The following CCDC62 variants were observed in gnomAD, a reference collection of about 807,000 sequenced individuals.
CCDC62 encodes the protein coiled-coil domain containing 62, also known as coiled-coil domain-containing protein 62.
Under a neutral mutation model 80.8 loss-of-function variants are expected in CCDC62, and 72 were observed. The ratio of observed to expected loss-of-function variants is 0.89; its 90% CI spans 0.74 to 1.08. The LOEUF (loss-of-function observed/expected upper bound fraction) is 1.08, where lower values mean the gene tolerates loss of function less well. CCDC62 is among the 50% of genes least tolerant of loss of function. The probability of loss-of-function intolerance (pLI) is 0.00; values close to 1 mark genes in which losing one functional copy is unlikely to be tolerated. For missense variants in CCDC62, 704 were observed against 809.4 expected (o/e 0.87, Z 1.58); for synonymous variants, 286 against 296.5 (o/e 0.96, Z 0.36).
intron 6 of CCDC62, among the ~76,000 whole-genome samples, chr12:122,795,660 A>G (rs562025683): frequency 1.2e-3 from 183 of 152,226 alleles, no homozygotes; most frequent in Middle Eastern, 3.4e-3. Flanking sequence ...TCCTGACCTC[A>G]TGATCTGCCC....
intron 5 of CCDC62, among the ~76,000 whole-genome samples, chr12:122,790,663 T>TA (rs1191032832): frequency 4.7e-5 from 7 of 150,282 alleles, no homozygotes; most frequent in East Asian, 3.9e-4. Flanking sequence ...CTCAAAAAAA[T>TA]AAAAAAAAAG....
chr12:122,812,084 G>A (rs1047153847), intron 10 of CCDC62, among the ~76,000 whole-genome samples: 1 of 152,030 alleles, frequency 6.6e-6, no homozygotes, highest in Admixed American at 6.6e-5. Context: ...TTTATCGCAT[G>A]GGTGTTACTT....
chr12:122,817,236 A>ATT (rs2032207571), intron 11 of CCDC62, among the ~76,000 whole-genome samples: 3 of 102,900 alleles, frequency 2.9e-5, no homozygotes, highest in African/African-American at 9.9e-5. Flanking sequence ...TTTTTTTTGG[A>ATT]TTTTTAGTAG....
chr12:122,815,657 C>G (rs186855554), intron 11 of CCDC62, among the ~76,000 whole-genome samples: 4 of 151,752 alleles, frequency 2.6e-5, no homozygotes, highest in African/African-American at 9.7e-5. Flanking sequence ...CCGTGTTAGC[C>G]AGGATGGTCT....
intron 8 of CCDC62, among the ~76,000 whole-genome samples, chr12:122,799,005 G>A (rs561926263): frequency 6.6e-6 from 1 of 151,918 alleles, no homozygotes; most frequent in African/African-American, 2.4e-5. Flanking sequence ...GCTGGAACCC[G>A]GGAGGCAGAG....
At chr12:122,787,999 C>G (rs1593789946) in intron 4 of CCDC62, among the ~76,000 whole-genome samples, 1 of 152,206 alleles carries the variant, frequency 6.6e-6, no homozygotes, top group East Asian at 1.9e-4. Context: ...TTTGCATGGC[C>G]TGCCCCAACC....
At chr12:122,777,425 A>T in intron 1 of CCDC62, 66 bp from the exon 2 acceptor site, 1 of 1,399,402 alleles carries the variant, frequency 7.1e-7, no homozygotes. Flanking sequence ...TATTTGGAAA[A>T]TGGACTTTGG....
chr12:122,819,642 G>A (rs1798568), intron 11 of CCDC62, among the ~76,000 whole-genome samples: 6,601 of 152,248 alleles, frequency 0.043, 473 homozygotes, highest in African/African-American at 0.15. Flanking sequence ...CCACCCACAC[G>A]GTGGAGTTCT....
intron 10 of CCDC62, among the ~76,000 whole-genome samples, chr12:122,808,252 G>A (rs2031708742): frequency 6.6e-6 from 1 of 152,042 alleles, no homozygotes; most frequent in Non-Finnish European, 1.5e-5. Flanking sequence ...AACCAAGATC[G>A]TGCTACTGGA....
chr12:122,816,385 T>G (rs1696322), intron 11 of CCDC62, among the ~76,000 whole-genome samples: 16,079 of 152,230 alleles, frequency 0.11, 1,959 homozygotes, highest in African/African-American at 0.3. Flanking sequence ...CCTTTATGAC[T>G]TTTCTAGTCA....
At chr12:122,824,601 T>C (rs1305623247) in intron 12 of CCDC62, among the ~76,000 whole-genome samples, 2 of 151,420 alleles carry the variant, frequency 1.3e-5, no homozygotes, top group African/African-American at 2.4e-5. Context: ...GAAAACAGTG[T>C]GGAGGTTATC....
intron 11 of CCDC62, among the ~76,000 whole-genome samples, chr12:122,821,159 C>T (rs911273691): frequency 1.3e-5 from 2 of 152,156 alleles, no homozygotes; most frequent in African/African-American, 4.8e-5. Context: ...TAACGAGGCA[C>T]TTAGAGTTGC....
At chr12:122,785,239 ATTG>A (rs2030140247) in intron 3 of CCDC62, among the ~76,000 whole-genome samples, 1 of 152,212 alleles carries the variant, frequency 6.6e-6, no homozygotes, top group Non-Finnish European at 1.5e-5. Context: ...TTTTTAAATA[ATTG>A]TTGAGTAGGA....
intron 10 of CCDC62, among the ~76,000 whole-genome samples, chr12:122,807,479 C>T (rs1470331953): frequency 2.9e-5 from 4 of 138,480 alleles, no homozygotes; most frequent in South Asian, 2.3e-4. Context: ...TGCAGTGAGC[C>T]GAGATTGCAC....
chr12:122,794,715 G>C (rs1297898172), intron 6 of CCDC62, among the ~76,000 whole-genome samples: 1 of 152,194 alleles, frequency 6.6e-6, no homozygotes, highest in African/African-American at 2.4e-5. Context: ...GGAGTGCAGT[G>C]GTGCAATCAT....
chr12:122,826,726 T>G lies in CCDC62; in HGVS notation c.*345T>G. 3.1e-6 allele frequency: 1 copy of G among 319,522 alleles called. No homozygotes were observed. The highest frequency in any genetic ancestry group is 5.5e-6 in the Non-Finnish European group (1 of 182,796). The allele number at this position is 319,522 out of a possible 1,614,324, so 19.8% of individuals were successfully genotyped here. A position where few individuals can be genotyped will look rare whatever the true frequency, so the allele number is the denominator to read the frequency against. ...ACAGTTAAATGCTAGAGAAGCTCTT[T>G]AAAAATGTGAATGTCAAATAGAGAA... On this transcript the variant is annotated 3_prime_UTR_variant, in exon 13 of 13. Transcript: ENST00000253079.
At chr12:122,786,273 G>A (rs2030223414) in intron 4 of CCDC62, among the ~76,000 whole-genome samples, 3 of 151,838 alleles carry the variant, frequency 2.0e-5, no homozygotes, top group African/African-American at 7.3e-5. Context: ...TCAGCCTCTT[G>A]AGTAGCTGGG....
intron 10 of CCDC62, among the ~76,000 whole-genome samples, chr12:122,811,649 G>C (rs150774416): frequency 6.6e-6 from 1 of 150,470 alleles, no homozygotes; most frequent in African/African-American, 2.4e-5. Context: ...GTGAAACCCC[G>C]TCTCTACGAA....
intron 7 of CCDC62, 131 bp from the exon 8 acceptor site, chr12:122,797,954 T>A (rs2031060284): frequency 1.6e-6 from 1 of 608,584 alleles, no homozygotes; most frequent in Admixed American, 3.0e-5. Flanking sequence ...GCAGACATAT[T>A]TAGCATATTT....
Sources: allele counts gnomAD v4.1 joint callset (sites outside exome capture counted in the v4.1 genomes callset), GRCh38; gene constraint gnomAD v4.1.1; transcripts MANE v1.5; gene names NCBI Gene and HGNC (gene_info 2026-07-23, HGNC 2026-07-21).